Variants in GABRB2 observed in about 807,000 individuals in gnomAD.
GABRB2 encodes the protein gamma-aminobutyric acid receptor subunit beta-2.
Under a neutral mutation model 54.7 loss-of-function variants are expected in GABRB2, and 16 were observed. The ratio of observed to expected loss-of-function variants is 0.29; its 90% CI spans 0.20 to 0.44. The LOEUF (loss-of-function observed/expected upper bound fraction) is 0.44. Among genes scored for constraint, GABRB2 ranks in the 20% least tolerant of loss-of-function variants. The pLI is 1.00. For missense variants in GABRB2, 355 were observed against 644.0 expected (o/e 0.55, Z 4.86); for synonymous variants, 244 against 233.8 (o/e 1.04, Z -0.40).
intron 5 of GABRB2, among the ~76,000 whole-genome samples, chr5:161,349,671 A>G (rs1178988121): frequency 3.3e-5 from 5 of 152,082 alleles, no homozygotes; most frequent in African/African-American, 1.2e-4. Flanking sequence ...CCATGTTGTA[A>G]ACTGCCCCAT....
intron 3 of GABRB2, among the ~76,000 whole-genome samples, chr5:161,485,258 T>C (rs940854301): frequency 9.2e-5 from 14 of 152,002 alleles, no homozygotes; most frequent in Non-Finnish European, 4.4e-5. Flanking sequence ...GAACAGTGTT[T>C]ATAATAAGCC....
At chr5:161,447,061 A>C (rs1757654800) in intron 4 of GABRB2, among the ~76,000 whole-genome samples, 1 of 152,162 alleles carries the variant, frequency 6.6e-6, no homozygotes, top group South Asian at 2.1e-4. Context: ...AATAGCAACC[A>C]ATCTTTACAA....
chr5:161,437,821 G>C (rs1444915601), intron 4 of GABRB2, among the ~76,000 whole-genome samples: 1 of 152,158 alleles, frequency 6.6e-6, no homozygotes, highest in Non-Finnish European at 1.5e-5. Flanking sequence ...CATTGGATAA[G>C]GGGAGGGAAG....
intron 9 of GABRB2, among the ~76,000 whole-genome samples, chr5:161,317,798 A>G (rs1044252803): frequency 2.6e-5 from 4 of 152,120 alleles, no homozygotes; most frequent in East Asian, 3.8e-4. Flanking sequence ...CCTTAATAAA[A>G]ATGGGTAAGA....
At chr5:161,478,589 T>C (rs1758663025) in intron 3 of GABRB2, among the ~76,000 whole-genome samples, 1 of 152,048 alleles carries the variant, frequency 6.6e-6, no homozygotes, top group African/African-American at 2.4e-5. Context: ...GTTAGTTTGC[T>C]GGTTAGAAAA....
intron 5 of GABRB2, among the ~76,000 whole-genome samples, chr5:161,378,074 T>C (rs1256564287): frequency 1.3e-5 from 2 of 152,110 alleles, no homozygotes; most frequent in Non-Finnish European, 2.9e-5. Context: ...TAGTTTTCAT[T>C]TTTCTTACCT....
At chr5:161,331,418 T>C (rs1753836298) in intron 7 of GABRB2, among the ~76,000 whole-genome samples, 2 of 152,062 alleles carry the variant, frequency 1.3e-5, no homozygotes, top group South Asian at 4.2e-4. Flanking sequence ...GGCACATGTG[T>C]AAGGTAAGAG....
intron 4 of GABRB2, among the ~76,000 whole-genome samples, chr5:161,451,134 T>C (rs1425733044): frequency 6.6e-6 from 1 of 152,140 alleles, no homozygotes; most frequent in Non-Finnish European, 1.5e-5. Flanking sequence ...AGGATAAAAT[T>C]AATAAAATCC....
intron 5 of GABRB2, among the ~76,000 whole-genome samples, chr5:161,408,147 T>C (rs1756400127): frequency 6.6e-6 from 1 of 152,032 alleles, no homozygotes; most frequent in Admixed American, 6.6e-5. Context: ...ATCTGAAATA[T>C]GAAAGGCTCC....
intron 9 of GABRB2, among the ~76,000 whole-genome samples, chr5:161,295,646 A>C (rs1757362126): frequency 6.6e-6 from 1 of 152,236 alleles, no homozygotes. Flanking sequence ...GCAAAAAAGA[A>C]TGTCATTAAG....
At position 161,292,040 on chromosome 5, in the gene GABRB2, C is replaced by T. The variant is rs528995809; in HGVS notation, c.*2041G>A. ...TCAGATTCTGCCCAAAGATGATACT[C>T]AGAGGTGCTCAAGATTATGTAATCA... On this transcript the variant is annotated 3_prime_UTR_variant, in exon 10 of 10. Coordinates refer to ENST00000393959, the MANE Select transcript of GABRB2 (RefSeq NM_001371727.1). 3.4e-4 allele frequency: 52 copies of T among 152,252 alleles called. No individual in the cohort carries two copies. Among genetic ancestry groups the T allele is most frequent in the Non-Finnish European group, 6.3e-4 (43 of 68,014 alleles). The allele number at this position is 152,252 out of a possible 1,614,324, so 9.4% of individuals were successfully genotyped here.
At chr5:161,357,537 A>C (rs1754672625) in intron 5 of GABRB2, among the ~76,000 whole-genome samples, 1 of 146,058 alleles carries the variant, frequency 6.8e-6, no homozygotes, top group South Asian at 2.2e-4. Flanking sequence ...AAAAAAAATG[A>C]TATGATCTGG....
chr5:161,437,398 A>G (rs115216958), intron 4 of GABRB2, among the ~76,000 whole-genome samples: 6,125 of 152,202 alleles, frequency 0.04, 157 homozygotes, highest in Middle Eastern at 0.071. Context: ...ATCCTGGGAC[A>G]GAAGGGAATA....
intron 4 of GABRB2, among the ~76,000 whole-genome samples, chr5:161,449,572 T>G (rs975417171): frequency 2.6e-5 from 4 of 152,138 alleles, no homozygotes; most frequent in African/African-American, 9.7e-5. Flanking sequence ...AGAGAAAACT[T>G]AATCATTAAA....
chr5:161,317,349 T>C (rs1222386614), intron 9 of GABRB2, among the ~76,000 whole-genome samples: 1 of 152,000 alleles, frequency 6.6e-6, no homozygotes, highest in African/African-American at 2.4e-5. Context: ...TAGAAAGATA[T>C]AAAGAGAAAA....
At chr5:161,351,612 C>T (rs974965272) in intron 5 of GABRB2, among the ~76,000 whole-genome samples, 3 of 151,970 alleles carry the variant, frequency 2.0e-5, no homozygotes, top group Admixed American at 6.6e-5. Context: ...GAAAACAAAG[C>T]GGGAAAAGCT....
chr5:161,399,837 T>C (rs2962395), intron 5 of GABRB2, among the ~76,000 whole-genome samples: 112,364 of 152,010 alleles, frequency 0.74, 42,103 homozygotes, highest in South Asian at 0.86. Flanking sequence ...CATATATTAC[T>C]ATAAGAGGGT....
At chr5:161,348,021 G>A (rs933933080) in intron 5 of GABRB2, among the ~76,000 whole-genome samples, 16 of 151,918 alleles carry the variant, frequency 1.1e-4, no homozygotes, top group Non-Finnish European at 8.8e-5. Flanking sequence ...TCCTGTCCCC[G>A]CCCTGCTATA....
At chr5:161,541,018 G>T (rs1760794587) in intron 3 of GABRB2, among the ~76,000 whole-genome samples, 1 of 151,960 alleles carries the variant, frequency 6.6e-6, no homozygotes, top group African/African-American at 2.4e-5. Flanking sequence ...GCTAATTTTT[G>T]TATTTTTTGT....
Sources: allele counts gnomAD v4.1 joint callset (sites outside exome capture counted in the v4.1 genomes callset), GRCh38; gene constraint gnomAD v4.1.1; transcripts MANE v1.5; gene names NCBI Gene and HGNC (gene_info 2026-07-23, HGNC 2026-07-21).